The following GRAMD1B variants were observed in gnomAD, a reference collection of about 807,000 sequenced individuals.
GRAMD1B encodes protein Aster-B.
In GRAMD1B, 37 loss-of-function variants were observed where a neutral mutation model predicts 99.7. The ratio of observed to expected loss-of-function variants is 0.37; its 90% CI spans 0.29 to 0.49. The LOEUF is 0.49. GRAMD1B is among the 20% of genes least tolerant of loss of function. GRAMD1B has a pLI of 0.98. For synonymous variants in GRAMD1B, 427 were observed against 387.6 expected (o/e 1.10, Z -1.19); for missense variants, 888 against 1,009.2 (o/e 0.88, Z 1.63).
At chr11:123,436,261 A>G (rs1949156611) in intron 1 of GRAMD1B, among the ~76,000 whole-genome samples, 1 of 152,032 alleles carries the variant, frequency 6.6e-6, no homozygotes, top group Admixed American at 6.6e-5. Context: ...CTTTTTGGCT[A>G]GCACCTTCAC....
At chr11:123,539,649 C>T (rs1186529722) in intron 2 of GRAMD1B, among the ~76,000 whole-genome samples, 2 of 152,114 alleles carry the variant, frequency 1.3e-5, no homozygotes, top group African/African-American at 4.8e-5. Context: ...ATTCCCATTA[C>T]TTACAAAATA....
At chr11:123,463,375 T>C (rs889778310) in intron 1 of GRAMD1B, among the ~76,000 whole-genome samples, 3 of 152,226 alleles carry the variant, frequency 2.0e-5, no homozygotes, top group African/African-American at 7.2e-5. Flanking sequence ...CTGATGAGGG[T>C]AAAAAGTTGG....
In GRAMD1B at chr11:123,372,121, G is replaced by T. The variant is rs1946548249; in HGVS notation, c.-176+13322G>T. Among the ~76,000 whole-genome samples, 9 of 152,320 alleles carry T rather than the reference G, an allele frequency of 5.9e-5. No individual in the cohort carries two copies. In the South Asian group the frequency reaches 1.9e-3, roughly 32 times the overall value. ...GTTATCCTGCCTTACAGGTGGTTCT[G>T]ATTTCTTCCACTGTTATTACAGTAG... On this transcript the variant is annotated intron_variant, in intron 1 of 20. Transcript: ENST00000638157.
chr11:123,450,459 A>G (rs894089191), intron 1 of GRAMD1B, among the ~76,000 whole-genome samples: 2 of 152,206 alleles, frequency 1.3e-5, no homozygotes, highest in African/African-American at 4.8e-5. Context: ...TAGTGAACAA[A>G]ATAGAGTCTG....
chr11:123,581,949 G>A lies in GRAMD1B; in HGVS notation c.664-2363G>A, dbSNP rs529951530. Among the ~76,000 whole-genome samples the A allele has an allele frequency of 4.6e-5, 7 of 152,344 alleles. No individual in the cohort carries two copies. The East Asian group carries it at 1.3e-3, about 29-fold the overall frequency. On this transcript the variant is annotated intron_variant, in intron 3 of 19. Transcript: ENST00000635736. ...GCAGGAGGAGTCACAGGCATCCGGG[G>A]TCCCCCTGTCAGCCCATGTTCCTGT...
chr11:123,430,649 G>T lies in GRAMD1B; in HGVS notation c.-144G>T, dbSNP rs1443739277. On this transcript the variant is annotated 5_prime_UTR_variant, in exon 1 of 20. Transcript: ENST00000635736. ...CCGCGTCCCCTCGCGTCCCTTCCTCGCTGCGCTCCGGGAAAGGAACTTGTT... is the reference window on the plus strand; with the variant it reads ...CCGCGTCCCCTCGCGTCCCTTCCTCTCTGCGCTCCGGGAAAGGAACTTGTT... 2 of 506,664 alleles carry T rather than the reference G, an allele frequency of 3.9e-6. No homozygotes were observed. The highest frequency in any genetic ancestry group is 3.5e-6 in the Non-Finnish European group (1 of 289,382). The allele number at this position is 506,664 out of a possible 1,614,324, so 31.4% of individuals were successfully genotyped here. A position where few individuals can be genotyped will look rare whatever the true frequency, so the allele number is the denominator to read the frequency against.
intron 1 of GRAMD1B, among the ~76,000 whole-genome samples, chr11:123,438,740 G>A (rs187871436): frequency 1.4e-3 from 219 of 152,302 alleles, no homozygotes; most frequent in African/African-American, 4.1e-3. Flanking sequence ...AGATGCACAG[G>A]TGATCTTTCT....
chr11:123,454,658 GC>G (rs1317094356), intron 1 of GRAMD1B: 2 of 152,166 alleles, frequency 1.3e-5, no homozygotes, highest in Non-Finnish European at 2.9e-5. Flanking sequence ...AAGCAGTACT[GC>G]CACCAGGCTC....
chr11:123,430,712 G>T lies in GRAMD1B; in HGVS notation c.-81G>T, dbSNP rs535344610. 7.5e-3 allele frequency: 4,388 copies of T among 586,148 alleles called. 37 individuals carry two copies. Among genetic ancestry groups the T allele is most frequent in the Non-Finnish European group, 9.0e-3 (2,986 of 332,678 alleles). 36.3% of individuals were successfully genotyped at this position (586,148 alleles called of 1,614,324 possible). A position where few individuals can be genotyped will look rare whatever the true frequency, so the allele number is the denominator to read the frequency against. On this transcript the variant is annotated 5_prime_UTR_variant, in exon 1 of 20. Coordinates refer to ENST00000635736, the MANE Select transcript of GRAMD1B (RefSeq NM_001387025.1). ...GGATTGGGGAGTGTGCCGCGGGGCC[G>T]AGGGTGGGGAACAGCCAGAGGGAGA...
intron 7 of GRAMD1B, chr11:123,599,007 T>C: frequency 1.8e-6 from 2 of 1,096,764 alleles, no homozygotes; most frequent in East Asian, 2.4e-5. Flanking sequence ...CAGGTTAATG[T>C]ACTTGAGGCA....
At chr11:123,461,214 G>A (rs779762734) in intron 1 of GRAMD1B, among the ~76,000 whole-genome samples, 21 of 152,346 alleles carry the variant, frequency 1.4e-4, no homozygotes, top group African/African-American at 3.4e-4. Flanking sequence ...CAGTTCAGTC[G>A]TCTTTCTGGG....
At chr11:123,578,939 T>A (rs947166562) in intron 3 of GRAMD1B, among the ~76,000 whole-genome samples, 1 of 152,146 alleles carries the variant, frequency 6.6e-6, no homozygotes, top group African/African-American at 2.4e-5. Context: ...CCTCAGGAGC[T>A]CTGCCTGCGT....
At chr11:123,598,583 T>C (rs953466395) in intron 7 of GRAMD1B, 27 of 1,549,948 alleles carry the variant, frequency 1.7e-5, no homozygotes, top group East Asian at 2.2e-5. Flanking sequence ...CTAGGGACTT[T>C]CCTTTGGTGC....
At chr11:123,541,483 T>C (rs1944519923) in intron 2 of GRAMD1B, among the ~76,000 whole-genome samples, 1 of 152,208 alleles carries the variant, frequency 6.6e-6, no homozygotes, top group Non-Finnish European at 1.5e-5. Flanking sequence ...TCTTTGATCA[T>C]TGGTAACATG....
chr11:123,598,118 G>A (rs1592204728), intron 7 of GRAMD1B: 1 of 1,590,320 alleles, frequency 6.3e-7, no homozygotes, highest in East Asian at 2.2e-5. Context: ...AGCAAAGTGA[G>A]CAGTGTTTGG....
At position 123,600,325 on chromosome 11, in the gene GRAMD1B, G is replaced by T. The variant is rs1005334781; in HGVS notation, c.970-143G>T. On this transcript the variant is annotated intron_variant, in intron 7 of 19. Coordinates refer to ENST00000635736, the MANE Select transcript of GRAMD1B (RefSeq NM_001387025.1). ...GTGTGCTGACCCCATCACTAAAGCG[G>T]ATGTACGTGATCACAGGTAACTGAG... is the stretch of plus-strand genomic sequence containing the variant. The T allele has an allele frequency of 5.2e-6, 3 of 577,254 alleles. No homozygotes were observed. In the African/African-American group the frequency reaches 5.7e-5, roughly 11 times the overall value. The allele number at this position is 577,254 out of a possible 1,614,324, so 35.8% of individuals were successfully genotyped here.
intron 2 of GRAMD1B, among the ~76,000 whole-genome samples, chr11:123,493,892 T>C (rs575024109): frequency 5.9e-5 from 9 of 152,244 alleles, no homozygotes; most frequent in Non-Finnish European, 1.2e-4. Context: ...TCAGCTCAGA[T>C]TCCTCACCTG....
chr11:123,522,671 G>A (rs951913436), intron 2 of GRAMD1B, among the ~76,000 whole-genome samples: 5 of 152,110 alleles, frequency 3.3e-5, no homozygotes, highest in African/African-American at 1.2e-4. Flanking sequence ...GGCCCTGTGA[G>A]AAGCTCTGTT....
intron 1 of GRAMD1B, among the ~76,000 whole-genome samples, chr11:123,433,757 T>A (rs1204038754): frequency 6.6e-6 from 1 of 151,560 alleles, no homozygotes; most frequent in Non-Finnish European, 1.5e-5. Flanking sequence ...CTGGCTAGGA[T>A]GGGGATGACA....
Sources: gnomAD v4.1 joint callset for allele counts (sites outside exome capture counted in the v4.1 genomes callset) on GRCh38, gnomAD v4.1.1 for gene constraint, MANE v1.5 for transcripts, NCBI Gene and HGNC (gene_info 2026-07-23, HGNC 2026-07-21) for gene names.